Variants in SEC16B observed in about 807,000 individuals in gnomAD.
SEC16B encodes the protein protein transport protein Sec16B.
SEC16B carries 115 observed loss-of-function variants against 141.8 expected under a neutral mutation model. The observed-to-expected ratio is 0.81, with a 90% confidence interval of 0.70 to 0.95. SEC16B has a LOEUF of 0.95. SEC16B is among the 40% of genes least tolerant of loss of function. The pLI is 0.00. For missense variants in SEC16B, 1,291 were observed against 1,312.3 expected, an observed-to-expected ratio of 0.98 and a Z score of 0.25; for synonymous variants, 493 against 492.5, an observed-to-expected ratio of 1.00 and a Z score of -0.01.
intron 15 of SEC16B, 86 bp from the exon 16 acceptor site, chr1:177,942,126 G>A (rs1382226833): frequency 1.1e-5 from 15 of 1,412,024 alleles, no homozygotes; most frequent in Middle Eastern, 2.2e-4. Flanking sequence ...TTGGAAGTCA[G>A]CTGTCAGTTT....
upstream of SEC16B, among the ~76,000 whole-genome samples, chr1:177,970,719 C>T (rs1198429111): frequency 6.6e-5 from 10 of 152,196 alleles, no homozygotes; most frequent in African/African-American, 2.4e-4. Context: ...AGTAGTTTCT[C>T]GCACTTGAAA....
chr1:177,944,684 C>G lies in SEC16B; in HGVS notation c.1776-18G>C. 1 of 1,600,862 alleles carries G rather than the reference C, an allele frequency of 6.2e-7. No individual in the cohort carries two copies. Among genetic ancestry groups the G allele is most frequent in the South Asian group, 1.1e-5 (1 of 90,506 alleles). The stretch of plus-strand genomic sequence containing the variant: ...ACTCTTGACTAAAACCAGAGAATAA[C>G]AATAAAAGAGATTGAGGTGTGGGGG... On this transcript the variant is annotated intron_variant, in intron 14 of 25. Coordinates refer to ENST00000308284, the MANE Select transcript of SEC16B (RefSeq NM_033127.4).
chr1:177,952,993 T>C (rs549505008), intron 11 of SEC16B, among the ~76,000 whole-genome samples: 43 of 145,512 alleles, frequency 3.0e-4, no homozygotes, highest in African/African-American at 1.0e-3. Context: ...GAACTTAACA[T>C]GGAAGTGTCA....
intron 10 of SEC16B, 131 bp downstream of exon 10, chr1:177,958,001 C>T: frequency 2.0e-6 from 1 of 504,382 alleles, no homozygotes; most frequent in Non-Finnish European, 3.1e-6. Context: ...TTTCTTTGTT[C>T]TGTCTTTCCG....
At chr1:177,942,264 G>A (rs527379645) in intron 15 of SEC16B, among the ~76,000 whole-genome samples, 15 of 152,288 alleles carry the variant, frequency 9.8e-5, no homozygotes, top group South Asian at 2.1e-4. Flanking sequence ...AGTCCCATCC[G>A]CTCAAACTTC....
intron 24 of SEC16B, among the ~76,000 whole-genome samples, chr1:177,931,928 A>G (rs1193700613): frequency 6.6e-6 from 1 of 152,182 alleles, no homozygotes; most frequent in East Asian, 1.9e-4. Context: ...GACAGGGAAA[A>G]AGGCAAGTCC....
chr1:177,929,677 A>G lies in SEC16B; in HGVS notation c.*181T>C, dbSNP rs570277033. ...ATCATTGTGAAGCTAATCTTAAGAG[A>G]CTGAATTGTGCTGTGTCTTGAGAGA... is the stretch of plus-strand genomic sequence containing the variant. On this transcript the variant is annotated 3_prime_UTR_variant, in exon 26 of 26. Coordinates refer to ENST00000308284, the MANE Select transcript of SEC16B (RefSeq NM_033127.4). 2.6e-5 allele frequency: 16 copies of G among 620,724 alleles called. No individual in the cohort carries two copies. The East Asian group carries it at 4.2e-4, about 16-fold the overall frequency. 38.5% of individuals were successfully genotyped at this position (620,724 alleles called of 1,614,324 possible). A position where few individuals can be genotyped will look rare whatever the true frequency, so the allele number is the denominator to read the frequency against.
chr1:177,978,625 G>T (rs972562696), intron 1 of SEC16B, among the ~76,000 whole-genome samples: 2 of 151,916 alleles, frequency 1.3e-5, no homozygotes, highest in Non-Finnish European at 2.9e-5. Context: ...GATCACTTGA[G>T]CCCAGGAGTT....
At chr1:177,945,046 A>G (rs1292015386) in intron 14 of SEC16B, among the ~76,000 whole-genome samples, 1 of 152,226 alleles carries the variant, frequency 6.6e-6, no homozygotes, top group Non-Finnish European at 1.5e-5. Context: ...AAAGCCTGTC[A>G]TGTACCTGTG....
At chr1:177,970,548 T>C (rs1005986546), upstream of SEC16B, among the ~76,000 whole-genome samples, 1 of 152,174 alleles carries the variant, frequency 6.6e-6, no homozygotes, top group African/African-American at 2.4e-5. Flanking sequence ...CGCTCACTGG[T>C]GGGAGCAAAC....
At chr1:177,935,869 CCTAA>C (rs1650801361) in intron 20 of SEC16B, among the ~76,000 whole-genome samples, 3 of 152,132 alleles carry the variant, frequency 2.0e-5, no homozygotes, top group African/African-American at 7.2e-5. Flanking sequence ...GACCTTACAG[CCTAA>C]CTGAGGAGAA....
At chr1:177,952,027 A>C (rs2101953501) in intron 11 of SEC16B, 32 bp from the exon 12 acceptor site, 1 of 1,560,522 alleles carries the variant, frequency 6.4e-7, no homozygotes, top group Non-Finnish European at 8.7e-7. Flanking sequence ...GCGAGGACCA[A>C]GCCCAGGGAA....
intron 17 of SEC16B, among the ~76,000 whole-genome samples, chr1:177,940,382 T>A (rs1222385112): frequency 6.6e-6 from 1 of 152,084 alleles, no homozygotes; most frequent in Admixed American, 6.5e-5. Context: ...CCGTGTCACA[T>A]GCGAACATAG....
chr1:177,950,983 AG>A (rs1451463183), intron 12 of SEC16B, among the ~76,000 whole-genome samples: 1 of 36,914 alleles, frequency 2.7e-5, no homozygotes, highest in Admixed American at 4.5e-4. Flanking sequence ...GGAGGGAGGG[AG>A]GGGAGGGGAG....
At chr1:177,934,553 A>T (rs1241313969) in intron 20 of SEC16B, among the ~76,000 whole-genome samples, 1 of 152,230 alleles carries the variant, frequency 6.6e-6, no homozygotes, top group Non-Finnish European at 1.5e-5. Flanking sequence ...AGGGCTTTAT[A>T]TGTAGTGATT....
intron 1 of SEC16B, among the ~76,000 whole-genome samples, chr1:177,979,032 C>T (rs542929937): frequency 2.0e-5 from 3 of 152,182 alleles, no homozygotes; most frequent in African/African-American, 7.2e-5. Context: ...GATACTTTTA[C>T]CAAATTCACA....
In SEC16B at chr1:177,950,604, C is replaced by T. The variant is rs553338269; in HGVS notation, c.1545+1310G>A. ...AGAACATTCACTACAAAAATGTTAC[C>T]ACAAAACAAATGAAAAATTATCACC... On this transcript the variant is annotated intron_variant, in intron 12 of 25. Transcript: ENST00000308284. Among the ~76,000 whole-genome samples, 4 of 151,954 alleles carry T rather than the reference C, an allele frequency of 2.6e-5. No individual in the cohort carries two copies. In the East Asian group the frequency reaches 7.7e-4, roughly 29 times the overall value.
chr1:177,937,934 C>A (rs1253065119), intron 18 of SEC16B, among the ~76,000 whole-genome samples: 1 of 152,152 alleles, frequency 6.6e-6, no homozygotes. Flanking sequence ...GATCTTAAGA[C>A]TAACAGAAAA....
intron 11 of SEC16B, among the ~76,000 whole-genome samples, chr1:177,953,498 T>A (rs1234376724): frequency 6.6e-6 from 1 of 152,116 alleles, no homozygotes; most frequent in Non-Finnish European, 1.5e-5. Flanking sequence ...ACCACATTTG[T>A]CCCTGCCAAC....
Sources: gnomAD v4.1 joint callset for allele counts (sites outside exome capture counted in the v4.1 genomes callset) on GRCh38, gnomAD v4.1.1 for gene constraint, MANE v1.5 for transcripts, NCBI Gene and HGNC (gene_info 2026-07-23, HGNC 2026-07-21) for gene names.